HIGD1C: variants seen among roughly 807,000 people sequenced by gnomAD.
HIGD1C encodes the protein HIG1 domain family member 1C.
HIGD1C carries 11 observed loss-of-function variants against 13.1 expected under a neutral mutation model. That is an observed-to-expected ratio of 0.84 (90% CI 0.53 to 1.39). HIGD1C has a LOEUF of 1.39. Among genes scored for constraint, HIGD1C ranks in the 40% most tolerant of loss-of-function variants. The pLI is 0.00. For synonymous variants in HIGD1C, 36 were observed against 37.7 expected, an observed-to-expected ratio of 0.95 and a Z score of 0.17; for missense variants, 110 against 112.0, an observed-to-expected ratio of 0.98 and a Z score of 0.08.
chr12:50,949,645 T>C (rs1346596205), upstream of HIGD1C, among the ~76,000 whole-genome samples: 8 of 148,232 alleles, frequency 5.4e-5, no homozygotes, highest in Admixed American at 5.4e-4. Flanking sequence ...GCTATTCTCC[T>C]GCCTCAGCCT....
At chr12:50,965,556 G>A (rs895193427) in intron 2 of HIGD1C, among the ~76,000 whole-genome samples, 9 of 152,084 alleles carry the variant, frequency 5.9e-5, no homozygotes, top group African/African-American at 2.2e-4. Flanking sequence ...CAGAACTGAG[G>A]AATAACAGAG....
chr12:50,961,375 C>A (rs1592260396), intron 2 of HIGD1C, among the ~76,000 whole-genome samples: 1 of 152,146 alleles, frequency 6.6e-6, no homozygotes, highest in Non-Finnish European at 1.5e-5. Flanking sequence ...TAGTTCCTAT[C>A]CTATAACTCA....
At chr12:50,948,906 GAGGGGGGGAGGGGGGGA>G (rs1938840935), upstream of HIGD1C, among the ~76,000 whole-genome samples, 1 of 2,042 alleles carries the variant, frequency 4.9e-4, no homozygotes, top group Non-Finnish European at 1.0e-3. Flanking sequence ...GGGGAGGGGG[GAGGGGGGGAGGGGGGGA>G]GGGGGAGGGG....
chr12:50,942,266 T>C, the HIGD1C span, among the ~76,000 whole-genome samples: 1 of 152,192 alleles, frequency 6.6e-6, no homozygotes, highest in South Asian at 2.1e-4. Context: ...TCTTACTCTA[T>C]ATTTTTTAAC....
chr12:50,945,325 T>C, the HIGD1C span, among the ~76,000 whole-genome samples: 2 of 152,158 alleles, frequency 1.3e-5, no homozygotes, highest in Non-Finnish European at 2.9e-5. Context: ...GATTGGATAT[T>C]TAGAAAATCC....
At chr12:50,969,711 A>C (rs150821267) in intron 2 of HIGD1C, among the ~76,000 whole-genome samples, 1 of 152,026 alleles carries the variant, frequency 6.6e-6, no homozygotes, top group African/African-American at 2.4e-5. Flanking sequence ...TCAAAAAAAA[A>C]AAAACAAAAA....
chr12:50,959,589 C>T (rs976029597), intron 1 of HIGD1C, among the ~76,000 whole-genome samples: 1 of 151,970 alleles, frequency 6.6e-6, no homozygotes. Flanking sequence ...ATAAGTTATA[C>T]TTATGGCATT....
the HIGD1C span, among the ~76,000 whole-genome samples, chr12:50,936,769 A>G: frequency 1.5e-4 from 23 of 152,250 alleles, no homozygotes; most frequent in Non-Finnish European, 2.6e-4. Context: ...ACCTGTGTGA[A>G]GATTCCTAAA....
At chr12:50,952,114 T>C (rs1938920114), upstream of HIGD1C, among the ~76,000 whole-genome samples, 1 of 147,630 alleles carries the variant, frequency 6.8e-6, no homozygotes, top group Non-Finnish European at 1.5e-5. Context: ...AACTGGTGAA[T>C]ATGAATAAAA....
the HIGD1C span, among the ~76,000 whole-genome samples, chr12:50,938,571 C>CTGTA: frequency 6.6e-6 from 1 of 152,176 alleles, no homozygotes; most frequent in South Asian, 2.1e-4. Flanking sequence ...CCTGTGGACT[C>CTGTA]TACAGAGTGT....
the HIGD1C span, among the ~76,000 whole-genome samples, chr12:50,937,548 A>C: frequency 6.6e-6 from 1 of 152,156 alleles, no homozygotes; most frequent in African/African-American, 2.4e-5. Flanking sequence ...GAAGGGTTGC[A>C]GAAGGGTGGT....
chr12:50,958,107 T>C (rs1939180164), intron 1 of HIGD1C, among the ~76,000 whole-genome samples: 1 of 151,260 alleles, frequency 6.6e-6, no homozygotes, highest in Non-Finnish European at 1.5e-5. Context: ...TGCCTGATCC[T>C]GTGTTCCTGA....
At chr12:50,952,661 G>A (rs1396223318), upstream of HIGD1C, among the ~76,000 whole-genome samples, 2 of 152,256 alleles carry the variant, frequency 1.3e-5, no homozygotes, top group African/African-American at 2.4e-5. Context: ...TCCCCTGGGC[G>A]CGTGTGCAGC....
At chr12:50,956,308 C>T (rs1388690044) in intron 1 of HIGD1C, among the ~76,000 whole-genome samples, 1 of 152,154 alleles carries the variant, frequency 6.6e-6, no homozygotes, top group Non-Finnish European at 1.5e-5. Context: ...GGGAGAATCA[C>T]TTGAACTCAG....
At chr12:50,957,933 T>G (rs111805684) in intron 1 of HIGD1C, among the ~76,000 whole-genome samples, 2,565 of 132,234 alleles carry the variant, frequency 0.019, 75 homozygotes, top group African/African-American at 0.067. Flanking sequence ...ATTCATGAAT[T>G]GGAGGTGTGT....
At chr12:50,951,077 A>C (rs529297407), upstream of HIGD1C, among the ~76,000 whole-genome samples, 1 of 152,266 alleles carries the variant, frequency 6.6e-6, no homozygotes, top group South Asian at 2.1e-4. Flanking sequence ...CAGACACTGA[A>C]ATTAATGGGT....
chr12:50,957,314 G>A (rs1027430251), intron 1 of HIGD1C, among the ~76,000 whole-genome samples: 9 of 151,454 alleles, frequency 5.9e-5, no homozygotes, highest in Non-Finnish European at 1.0e-4. Flanking sequence ...GGGCTCAAGC[G>A]ATTCTCGTGC....
At chr12:50,966,831 T>G (rs962398165) in intron 2 of HIGD1C, among the ~76,000 whole-genome samples, 1 of 152,092 alleles carries the variant, frequency 6.6e-6, no homozygotes, top group African/African-American at 2.4e-5. Flanking sequence ...CTTTGTGAGG[T>G]TGGGGATTGA....
the HIGD1C span, among the ~76,000 whole-genome samples, chr12:50,945,922 T>C: frequency 1.3e-5 from 2 of 151,780 alleles, no homozygotes; most frequent in African/African-American, 4.8e-5. Flanking sequence ...TCAGAAATAA[T>C]ACCACACATC....
Sources: allele counts gnomAD v4.1 joint callset (sites outside exome capture counted in the v4.1 genomes callset), GRCh38; gene constraint gnomAD v4.1.1; transcripts MANE v1.5; gene names NCBI Gene and HGNC (gene_info 2026-07-23, HGNC 2026-07-21).